The following TRPC5OS variants were observed in gnomAD, a reference collection of about 807,000 sequenced individuals.
The protein encoded by TRPC5OS is putative uncharacterized protein TRPC5OS.
For missense variants in TRPC5OS, 64 were observed against 79.3 expected, an observed-to-expected ratio of 0.81 and a Z score of 0.73; for synonymous variants, 30 against 29.3, an observed-to-expected ratio of 1.02 and a Z score of -0.08.
chrX:111,895,327 T>C (rs1401967453), intron 1 of TRPC5OS, among the ~76,000 whole-genome samples: 1 of 111,861 alleles, frequency 8.9e-6, no homozygotes, highest in Non-Finnish European at 1.9e-5. Flanking sequence ...TCGGATATTC[T>C]CCTCTATGAA....
At chrX:111,877,325 A>C (rs1923996302) in intron 1 of TRPC5OS, among the ~76,000 whole-genome samples, 1 of 112,040 alleles carries the variant, frequency 8.9e-6, no homozygotes, top group East Asian at 2.8e-4. Context: ...CTCTGCTACA[A>C]AATGATGGAG....
chrX:111,882,625 A>T (rs148041831), intron 1 of TRPC5OS, among the ~76,000 whole-genome samples: 20 of 113,130 alleles, frequency 1.8e-4, no homozygotes, highest in East Asian at 1.7e-3. Context: ...CTAGCCATGA[A>T]CTTGGCCAAG....
rs942513028 is a variant in TRPC5OS, at chrX:111,896,498, A to G, written c.-311+3A>G. 5 of 110,251 alleles carry G rather than the reference A, an allele frequency of 4.5e-5. No individual in the cohort carries two copies. The highest frequency in any genetic ancestry group is 7.6e-5 in the Non-Finnish European group (4 of 52,798). The allele number at this position is 110,251 out of a possible 1,213,427, so 9.1% of individuals were successfully genotyped here. ...CATCCCTCTCAGCTCTATCACAGGT[A>G]AGTAGTTTATGAACATTTGGGCCAA... is the stretch of plus-strand genomic sequence containing the variant. On this transcript the variant is annotated splice_donor_region_variant and intron_variant, in intron 3 of 3. Transcript: ENST00000635763.
intron 3 of TRPC5OS, among the ~76,000 whole-genome samples, chrX:111,900,646 T>C (rs1040153792): frequency 9.0e-6 from 1 of 111,548 alleles, no homozygotes; most frequent in South Asian, 3.8e-4. Context: ...AGCTCCCTTT[T>C]CAGTTCAATT....
intron 1 of TRPC5OS, among the ~76,000 whole-genome samples, chrX:111,888,729 G>GAAAAGA (rs1023243121): frequency 1.1e-5 from 1 of 87,466 alleles, no homozygotes. Flanking sequence ...AGAAAGAAAA[G>GAAAAGA]AAAAGAAAAG....
At position 111,902,357 on chromosome X, in the gene TRPC5OS, G is replaced by C; in HGVS notation, c.*172G>C. On this transcript the variant is annotated 3_prime_UTR_variant, in exon 4 of 4. Transcript: ENST00000635763. ...TTTGATTTACTTCTAGCAAAAGCTG[G>C]TCTTTTTTCATCTTTGTTGTTATTC... 1 of 349,382 alleles carries C rather than the reference G, an allele frequency of 2.9e-6. No homozygotes were observed. The allele number at this position is 349,382 out of a possible 1,213,427, so 28.8% of individuals were successfully genotyped here. A position where few individuals can be genotyped will look rare whatever the true frequency, so the allele number is the denominator to read the frequency against.
chrX:111,901,543 T>G lies in TRPC5OS; in HGVS notation c.-307T>G, dbSNP rs757625064. 4 of 174,191 alleles carry G rather than the reference T, an allele frequency of 2.3e-5. No individual in the cohort carries two copies. The highest frequency in any genetic ancestry group is 4.3e-5 in the Non-Finnish European group (4 of 94,056). The allele number at this position is 174,191 out of a possible 1,213,427, so 14.4% of individuals were successfully genotyped here. A position where few individuals can be genotyped will look rare whatever the true frequency, so the allele number is the denominator to read the frequency against. Reference sequence around the variant, plus strand: ...TATCTCTCTTTTTTATTATTAGGTCTGCTTTGCTGTTTTCTCTTGGCTGTG... The same window carrying G: ...TATCTCTCTTTTTTATTATTAGGTCGGCTTTGCTGTTTTCTCTTGGCTGTG... On this transcript the variant is annotated 5_prime_UTR_variant, in exon 4 of 4. Transcript: ENST00000635763.
chrX:111,877,803 G>A (rs1412047662), intron 1 of TRPC5OS, among the ~76,000 whole-genome samples: 2 of 111,494 alleles, frequency 1.8e-5, no homozygotes, highest in Non-Finnish European at 3.8e-5. Context: ...ACCTACCTAT[G>A]TAGGTTGGCT....
Position 111,903,772 on chromosome X carries a change from G to T in TRPC5OS, c.*1587G>T, listed in dbSNP as rs1382474097. On this transcript the variant is annotated 3_prime_UTR_variant, in exon 4 of 4. Transcript: ENST00000635763. ...TGTGAAAATCAAGGAAGATAGGCTGGTAGATGGCATTAGATTAGGTAGTAC... is the reference window on the plus strand; with the variant it reads ...TGTGAAAATCAAGGAAGATAGGCTGTTAGATGGCATTAGATTAGGTAGTAC... 2.7e-5 allele frequency: 3 copies of T among 112,044 alleles called. No individual in the cohort carries two copies. The highest frequency in any genetic ancestry group is 9.5e-5 in the Admixed American group (1 of 10,559). 9.2% of individuals were successfully genotyped at this position (112,044 alleles called of 1,213,427 possible). A position where few individuals can be genotyped will look rare whatever the true frequency, so the allele number is the denominator to read the frequency against.
intron 3 of TRPC5OS, among the ~76,000 whole-genome samples, chrX:111,899,936 C>A (rs1925256849): frequency 9.0e-6 from 1 of 110,969 alleles, no homozygotes; most frequent in Non-Finnish European, 1.9e-5. Flanking sequence ...CAAAATCGTG[C>A]CTTCTGGTCA....
At chrX:111,882,382 C>G (rs1472538664) in intron 1 of TRPC5OS, among the ~76,000 whole-genome samples, 1 of 111,993 alleles carries the variant, frequency 8.9e-6, no homozygotes, top group Non-Finnish European at 1.9e-5. Flanking sequence ...CTTTATGACC[C>G]AGAGTACGGC....
intron 1 of TRPC5OS, among the ~76,000 whole-genome samples, chrX:111,877,670 A>G (rs1018116555): frequency 1.1e-4 from 12 of 111,270 alleles, no homozygotes; most frequent in Non-Finnish European, 2.1e-4. Flanking sequence ...GGAAAAATGC[A>G]TAGCATGAGA....
chrX:111,882,705 G>T (rs753662587), intron 1 of TRPC5OS, among the ~76,000 whole-genome samples: 13 of 112,653 alleles, frequency 1.2e-4, no homozygotes, highest in Non-Finnish European at 3.8e-5. Context: ...CTCACCAGGG[G>T]CTAAGCCCAC....
At position 111,902,001 on chromosome X, in the gene TRPC5OS, C is replaced by T; in HGVS notation, c.152C>T (p.Ala51Val). The T allele has an allele frequency of 8.7e-7, 1 of 1,155,728 alleles. No homozygotes were observed. Among genetic ancestry groups the T allele is most frequent in the Non-Finnish European group, 1.1e-6 (1 of 872,728 alleles). The part of the protein sequence containing the change: ...EENGRAEETE[A>V]DAPLPEEPSL... ...AATGGTAGAGCAGAAGAGACTGAAG[C>T]AGATGCACCTCTTCCCGAGGAGCCT... is the stretch of plus-strand genomic sequence containing the variant. Residue 51 changes from alanine to valine, a missense_variant, in exon 4 of 4, where the codon GCA (alanine) becomes GTA (valine). Coordinates refer to ENST00000635763, the MANE Select transcript of TRPC5OS (RefSeq NM_001195578.2).
intron 3 of TRPC5OS, among the ~76,000 whole-genome samples, chrX:111,898,762 G>A (rs890658044): frequency 9.1e-5 from 10 of 110,452 alleles, no homozygotes; most frequent in South Asian, 3.9e-4. Flanking sequence ...TGAAATTTGT[G>A]TGTAATGGGA....
At chrX:111,900,023 A>C (rs745850958) in intron 3 of TRPC5OS, among the ~76,000 whole-genome samples, 1 of 111,382 alleles carries the variant, frequency 9.0e-6, no homozygotes, top group Admixed American at 9.5e-5. Flanking sequence ...AAATGTAGTG[A>C]TCTGATAGGA....
At chrX:111,881,456 G>A (rs1254379248) in intron 1 of TRPC5OS, among the ~76,000 whole-genome samples, 3 of 111,608 alleles carry the variant, frequency 2.7e-5, no homozygotes, top group Middle Eastern at 9.3e-3. Flanking sequence ...GATTACAAGC[G>A]TGAGCCACTG....
At chrX:111,890,167 T>C (rs886804765) in intron 1 of TRPC5OS, among the ~76,000 whole-genome samples, 9 of 112,317 alleles carry the variant, frequency 8.0e-5, no homozygotes, top group Non-Finnish European at 1.7e-4. Context: ...AAACCAATAT[T>C]GTAAAACAAA....
intron 3 of TRPC5OS, among the ~76,000 whole-genome samples, chrX:111,898,520 C>T (rs961771369): frequency 6.4e-5 from 7 of 109,093 alleles, no homozygotes; most frequent in African/African-American, 2.3e-4. Flanking sequence ...AGTTGTTCCT[C>T]CCTCCCTCCT....
Sources: gnomAD v4.1 joint callset for allele counts (sites outside exome capture counted in the v4.1 genomes callset) on GRCh38, gnomAD v4.1.1 for gene constraint, MANE v1.5 for transcripts, NCBI Gene and HGNC (gene_info 2026-07-23, HGNC 2026-07-21) for gene names.